TANGO6: variants seen among roughly 807,000 people sequenced by gnomAD.
TANGO6 encodes transport and Golgi organization protein 6 homolog.
A neutral mutation model predicts 114.2 loss-of-function variants in TANGO6; 90 were observed. The ratio of observed to expected loss-of-function variants is 0.79; its 90% CI spans 0.66 to 0.94. The LOEUF (loss-of-function observed/expected upper bound fraction) is 0.94, where lower values mean the gene tolerates loss of function less well. TANGO6 is among the 40% of genes least tolerant of loss of function. The pLI, the probability that TANGO6 is intolerant of heterozygous loss-of-function variation, is 0.00. For missense variants in TANGO6, 1,274 were observed against 1,315.3 expected (o/e 0.97, Z 0.49); for synonymous variants, 477 against 509.8 (o/e 0.94, Z 0.87).
At chr16:68,882,604 G>T (rs1395372243) in intron 7 of TANGO6, among the ~76,000 whole-genome samples, 1 of 152,130 alleles carries the variant, frequency 6.6e-6, no homozygotes, top group Non-Finnish European at 1.5e-5. Flanking sequence ...TGACGGAAAG[G>T]TTCTAAAATT....
At chr16:68,994,932 T>C (rs762686148) in intron 15 of TANGO6, among the ~76,000 whole-genome samples, 1 of 152,110 alleles carries the variant, frequency 6.6e-6, no homozygotes, top group Non-Finnish European at 1.5e-5. Flanking sequence ...AGGAATAAAG[T>C]TTGAATGATT....
intron 15 of TANGO6, among the ~76,000 whole-genome samples, chr16:68,999,059 T>C (rs954998464): frequency 1.2e-4 from 18 of 152,058 alleles, no homozygotes; most frequent in African/African-American, 3.6e-4. Context: ...ATTTTTGTAT[T>C]TTTTAGAAAA....
At chr16:68,863,715 T>G (rs1962135065) in intron 3 of TANGO6, among the ~76,000 whole-genome samples, 1 of 152,254 alleles carries the variant, frequency 6.6e-6, no homozygotes, top group Non-Finnish European at 1.5e-5. Context: ...AAACATTCTT[T>G]TAGCACAACT....
chr16:68,900,475 T>G lies in TANGO6; in HGVS notation c.1419T>G (p.Asp473Glu). The change falls in exon 8 of 18, where the codon GAT becomes GAG. Residue 473 changes from aspartate to glutamate, a missense_variant. Physicochemically the swap from Asp to Glu is conservative, Grantham distance 45. Around this residue, in one of 5 missense-constraint regions of TANGO6, gnomAD observed 908 missense variants for 910.2 expected, o/e 1.00. Coordinates refer to ENST00000261778, the MANE Select transcript of TANGO6 (RefSeq NM_024562.2). Reference protein sequence around the residue: ...VGNEPLTVLMDSLLPVLGVLF... With the variant: ...VGNEPLTVLMESLLPVLGVLF... ...ATGAACCTTTAACAGTTTTGATGGATTCCCTGCTTCCAGTCCTGGGAGTGC... is the reference window on the plus strand; with the variant it reads ...ATGAACCTTTAACAGTTTTGATGGAGTCCCTGCTTCCAGTCCTGGGAGTGC... 2 of 1,614,046 alleles carry G rather than the reference T, an allele frequency of 1.2e-6. No homozygotes were observed. Among genetic ancestry groups the G allele is most frequent in the Non-Finnish European group, 1.7e-6 (2 of 1,179,890 alleles).
intron 14 of TANGO6, among the ~76,000 whole-genome samples, chr16:68,970,424 T>G (rs1470417842): frequency 6.6e-6 from 1 of 152,012 alleles, no homozygotes; most frequent in Non-Finnish European, 1.5e-5. Context: ...TCCCAGCACT[T>G]TGGGAGGCCG....
At chr16:69,038,977 A>G (rs1959732836) in intron 16 of TANGO6, among the ~76,000 whole-genome samples, 1 of 152,054 alleles carries the variant, frequency 6.6e-6, no homozygotes, top group Non-Finnish European at 1.5e-5. Flanking sequence ...ATGTCAGGAG[A>G]TTGAGACCAT....
intron 13 of TANGO6, among the ~76,000 whole-genome samples, chr16:68,929,305 G>C (rs916887290): frequency 6.6e-6 from 1 of 152,150 alleles, no homozygotes; most frequent in African/African-American, 2.4e-5. Flanking sequence ...TTCTTCTGCT[G>C]TACATAATTG....
Position 68,857,368 on chromosome 16 carries a change from G to A in TANGO6, c.95-2516G>A, listed in dbSNP as rs4783574. ...CACTGATTAATATTCTGTTGTCTGA[G>A]TGTAGCACAGTTTATCCATTCTTTT... On this transcript the variant is annotated intron_variant, in intron 1 of 17. Transcript: ENST00000261778. Among the ~76,000 whole-genome samples the A allele has an allele frequency of 7.4e-3, 1,125 of 151,564 alleles. 48 individuals are homozygous for A. The highest frequency in any genetic ancestry group is 0.058 in the Admixed American group (888 of 15,218).
chr16:68,952,003 G>T (rs1444297457), intron 14 of TANGO6, among the ~76,000 whole-genome samples: 2 of 152,090 alleles, frequency 1.3e-5, no homozygotes, highest in Non-Finnish European at 2.9e-5. Flanking sequence ...TAATTTCATG[G>T]CTTCTGGGGC....
At chr16:68,907,671 A>T in intron 10 of TANGO6, 96 bp downstream of exon 10, 1 of 1,351,156 alleles carries the variant, frequency 7.4e-7, no homozygotes, top group East Asian at 2.6e-5. Flanking sequence ...AGGTCCTAAA[A>T]TGTAGGCCCT....
intron 14 of TANGO6, 53 bp downstream of exon 14, chr16:68,930,348 A>G: frequency 6.8e-7 from 1 of 1,462,078 alleles, no homozygotes; most frequent in South Asian, 1.2e-5. Flanking sequence ...AGACTGTATC[A>G]TGTTTATTTG....
intron 11 of TANGO6, among the ~76,000 whole-genome samples, chr16:68,912,500 T>C (rs1044331200): frequency 2.0e-5 from 3 of 151,976 alleles, no homozygotes; most frequent in African/African-American, 7.2e-5. Context: ...CCAGGCATTG[T>C]GGCACGTGCC....
At chr16:68,986,703 A>C (rs1178593824) in intron 15 of TANGO6, among the ~76,000 whole-genome samples, 4 of 152,072 alleles carry the variant, frequency 2.6e-5, no homozygotes, top group Non-Finnish European at 5.9e-5. Context: ...TCAGGAGTTC[A>C]AGACCTGCCT....
intron 16 of TANGO6, among the ~76,000 whole-genome samples, chr16:69,024,036 T>C (rs1380641106): frequency 1.3e-5 from 2 of 150,546 alleles, no homozygotes; most frequent in Non-Finnish European, 3.0e-5. Flanking sequence ...GCCTCCCATG[T>C]AGCTGGGACC....
rs187889443 is a variant in TANGO6, at chr16:68,858,415, G to A, written c.95-1469G>A. Among the ~76,000 whole-genome samples, 61 of 152,208 alleles carry A rather than the reference G, an allele frequency of 4.0e-4. No homozygotes were observed. The East Asian group carries it at 0.011, about 27-fold the overall frequency. ...TATCTAATACATATAGGGTTATTTA[G>A]GGTTTTTATTTTTGTCTTGTGACAG... On this transcript the variant is annotated intron_variant, in intron 1 of 17. Coordinates refer to ENST00000261778, the MANE Select transcript of TANGO6 (RefSeq NM_024562.2).
intron 10 of TANGO6, among the ~76,000 whole-genome samples, 163 bp downstream of exon 10, chr16:68,907,738 A>T (rs1386856789): frequency 6.6e-6 from 1 of 152,130 alleles, no homozygotes; most frequent in Non-Finnish European, 1.5e-5. Flanking sequence ...TAGCCTTTGG[A>T]TTGGTAAAAG....
intron 3 of TANGO6, among the ~76,000 whole-genome samples, chr16:68,865,000 G>A (rs1251473356): frequency 1.3e-5 from 2 of 152,064 alleles, no homozygotes; most frequent in East Asian, 1.9e-4. Context: ...CAGTGGTGCC[G>A]GGCGTGGTGG....
At chr16:69,008,051 T>G (rs538065478) in intron 15 of TANGO6, among the ~76,000 whole-genome samples, 1 of 152,164 alleles carries the variant, frequency 6.6e-6, no homozygotes, top group Non-Finnish European at 1.5e-5. Context: ...CTTACACTTA[T>G]ATGATTTGCA....
intron 1 of TANGO6, among the ~76,000 whole-genome samples, chr16:68,848,570 C>T (rs182113311): frequency 5.3e-5 from 8 of 152,100 alleles, no homozygotes; most frequent in Admixed American, 5.2e-4. Context: ...AATCCTACCT[C>T]TAACCCTATC....
Sources: allele counts gnomAD v4.1 joint callset (sites outside exome capture counted in the v4.1 genomes callset), GRCh38; gene constraint gnomAD v4.1.1; regional missense constraint gnomAD v4.1.1; transcripts MANE v1.5; gene names NCBI Gene and HGNC (gene_info 2026-07-23, HGNC 2026-07-21).